The following DHRSX variants were observed in gnomAD, a reference collection of about 807,000 sequenced individuals.
DHRSX encodes the protein dehydrogenase/reductase X-linked, also known as polyprenol dehydrogenase.
Under a neutral mutation model 34.0 loss-of-function variants are expected in DHRSX, and 31 were observed. The ratio of observed to expected loss-of-function variants is 0.91; its 90% CI spans 0.69 to 1.23. DHRSX has a LOEUF of 1.23. Among genes scored for constraint, DHRSX ranks in the 50% most tolerant of loss-of-function variants. The probability of loss-of-function intolerance (pLI) is 0.00; values close to 1 mark genes in which losing one functional copy is unlikely to be tolerated. For missense variants in DHRSX, 414 were observed against 428.1 expected (o/e 0.97, Z 0.29); for synonymous variants, 201 against 183.8 (o/e 1.09, Z -0.76).
rs762587578 is a variant in DHRSX at position 2,221,137 on chromosome X, C to G, written c.897G>C (p.Glu299Asp). The G allele has an allele frequency of 1.8e-5, 29 of 1,613,752 alleles. No individual in the cohort carries two copies. The highest frequency in any genetic ancestry group is 2.7e-5 in the African/African-American group (2 of 74,898). The change falls in exon 7 of 7, where the codon GAG (glutamate) becomes GAC (aspartate). Residue 299 changes from glutamate (E) to aspartate (D), a missense_variant. Physicochemically the swap from Glu to Asp is conservative, Grantham distance 45. Coordinates refer to ENST00000334651, the MANE Select transcript of DHRSX (RefSeq NM_145177.3). Reference protein sequence around the residue: ...VGGHYLYNEKETKSLHVTYNQ... With the variant: ...VGGHYLYNEKDTKSLHVTYNQ... ...TGTAGGTGACGTGGAGGGACTTGGT[C>G]TCTTTCTCGTTGTATAGGTAATGGC...
chrX:2,367,083 T>C lies in DHRSX; in HGVS notation c.286+41662A>G, dbSNP rs190188729. Among the ~76,000 whole-genome samples, 842 of 152,126 alleles carry C rather than the reference T, an allele frequency of 5.5e-3. 8 individuals carry two copies. The highest frequency in any genetic ancestry group is 0.019 in the African/African-American group (804 of 41,536). On this transcript the variant is annotated intron_variant, in intron 3 of 6. Coordinates refer to ENST00000334651, the MANE Select transcript of DHRSX (RefSeq NM_145177.3). ...CCCATCAGGAAGATATAGGGCCCCCTTTCAAGAGGAACCACAATGGCTAAA... is the reference window on the plus strand; with the variant it reads ...CCCATCAGGAAGATATAGGGCCCCCCTTCAAGAGGAACCACAATGGCTAAA...
chrX:2,489,287 C>T, intron 1 of DHRSX: 2 of 1,613,894 alleles, frequency 1.2e-6, no homozygotes, highest in Non-Finnish European at 8.5e-7. Flanking sequence ...CCTCTTGTAG[C>T]GGGGGTCCAG....
At chrX:2,296,369 G>A (rs989435221) in intron 3 of DHRSX, among the ~76,000 whole-genome samples, 1 of 152,162 alleles carries the variant, frequency 6.6e-6, no homozygotes, top group African/African-American at 2.4e-5. Flanking sequence ...GGGAAAAAGA[G>A]AAAAGAAGAA....
intron 1 of DHRSX, among the ~76,000 whole-genome samples, chrX:2,452,262 T>C (rs2015742415): frequency 1.3e-5 from 2 of 151,344 alleles, no homozygotes; most frequent in Admixed American, 6.6e-5. Context: ...AGACGTTCCC[T>C]AAGCAGGTGG....
chrX:2,407,336 A>G (rs2043569094), intron 3 of DHRSX, among the ~76,000 whole-genome samples: 1 of 152,226 alleles, frequency 6.6e-6, no homozygotes, highest in Non-Finnish European at 1.5e-5. Context: ...TTAAAGAGTC[A>G]GCAGCCACGG....
At position 2,491,549 on chromosome X, in the gene DHRSX, C is replaced by T. The variant is rs772501676; in HGVS notation, c.109+9268G>A. On this transcript the variant is annotated intron_variant, in intron 1 of 6. Transcript: ENST00000334651. ...TCACAGCAGGACTCTCTGAATGCCA[C>T]CTGAGCTTCATTCACTGCATTAAAG... is the stretch of plus-strand genomic sequence containing the variant. Among the ~76,000 whole-genome samples the T allele has an allele frequency of 1.5e-4, 23 of 152,332 alleles. No individual in the cohort carries two copies. The South Asian group carries it at 3.5e-3, about 23-fold the overall frequency.
intron 3 of DHRSX, among the ~76,000 whole-genome samples, chrX:2,384,682 G>A (rs1055621608): frequency 1.3e-5 from 2 of 149,252 alleles, no homozygotes; most frequent in African/African-American, 2.5e-5. Flanking sequence ...CAAGAAGCAA[G>A]CTTATTTGGT....
intron 5 of DHRSX, among the ~76,000 whole-genome samples, chrX:2,253,252 A>G (rs1219293627): frequency 3.3e-5 from 5 of 151,770 alleles, no homozygotes; most frequent in Non-Finnish European, 7.4e-5. Flanking sequence ...ACGGCACTCC[A>G]GCCTAGGAGG....
intron 1 of DHRSX, among the ~76,000 whole-genome samples, chrX:2,461,930 C>T (rs953066715): frequency 3.3e-5 from 5 of 152,138 alleles, no homozygotes; most frequent in African/African-American, 1.2e-4. Context: ...TCAAGCGATC[C>T]ACCGGCCTCG....
At chrX:2,346,841 T>G (rs935802432) in intron 3 of DHRSX, among the ~76,000 whole-genome samples, 1 of 151,764 alleles carries the variant, frequency 6.6e-6, no homozygotes, top group African/African-American at 2.4e-5. Flanking sequence ...GATGTTCCCC[T>G]CCCTGTGTCC....
intron 3 of DHRSX, among the ~76,000 whole-genome samples, chrX:2,331,509 G>A (rs1216329463): frequency 3.7e-5 from 5 of 134,380 alleles, no homozygotes; most frequent in South Asian, 2.5e-4. Flanking sequence ...GTGCCATAGC[G>A]CGATCTTGGC....
chrX:2,482,726 T>C (rs1475315514), intron 1 of DHRSX, among the ~76,000 whole-genome samples: 4 of 152,256 alleles, frequency 2.6e-5, no homozygotes, highest in African/African-American at 9.6e-5. Flanking sequence ...AATCCTGCAG[T>C]AACTGCCTAT....
rs189536218 is a variant in DHRSX at position 2,315,114 on chromosome X, C to T, written c.287-23511G>A. Among the ~76,000 whole-genome samples the T allele has an allele frequency of 1.6e-3, 246 of 151,506 alleles. 1 individual carries two copies. The highest frequency in any genetic ancestry group is 5.7e-3 in the African/African-American group (234 of 41,254). ...TGGAGGTTGCGGTGAGCTGAGATCA[C>T]GCCATAGCACTCCAGCCTGGGCAGC... On this transcript the variant is annotated intron_variant, in intron 3 of 6. Transcript: ENST00000334651.
At chrX:2,419,452 G>C (rs779351958) in intron 2 of DHRSX, among the ~76,000 whole-genome samples, 1 of 152,198 alleles carries the variant, frequency 6.6e-6, no homozygotes, top group South Asian at 2.1e-4. Context: ...ATTTGACCCA[G>C]CCATCCCATT....
At chrX:2,244,302 C>CCTCTCT (rs780533250) in intron 5 of DHRSX, among the ~76,000 whole-genome samples, 27,952 of 150,094 alleles carry the variant, frequency 0.19, 2,823 homozygotes, top group Admixed American at 0.22. Context: ...GAGTAACGTG[C>CCTCTCT]CTCTCTCTCT....
intron 3 of DHRSX, among the ~76,000 whole-genome samples, chrX:2,345,592 AGCCAAGATCGC>A (rs1326932428): frequency 4.6e-5 from 7 of 150,868 alleles, no homozygotes; most frequent in Non-Finnish European, 7.4e-5. Flanking sequence ...AGTTGCATTG[AGCCAAGATCGC>A]ACCGAGATCG....
intron 3 of DHRSX, among the ~76,000 whole-genome samples, chrX:2,295,129 G>A (rs1428667194): frequency 2.6e-5 from 4 of 152,198 alleles, no homozygotes; most frequent in Middle Eastern, 3.4e-3. Context: ...GCACACATAC[G>A]TTTATTGCGG....
In DHRSX at chrX:2,485,492, G is replaced by C. The variant is rs991447376; in HGVS notation, c.109+15325C>G. 5.4e-5 allele frequency among the ~76,000 whole-genome samples: 8 copies of C among 147,770 alleles called. No individual in the cohort carries two copies. The Admixed American group carries it at 5.5e-4, about 10-fold the overall frequency. ...CAGGAGGGAGGAAAAGAGGGAGGGA[G>C]GAAGGAAAAAGGGATGGAAGGAAAA... On this transcript the variant is annotated intron_variant, in intron 1 of 6. Transcript: ENST00000334651.
chrX:2,298,320 T>TTG (rs955955394), intron 3 of DHRSX, among the ~76,000 whole-genome samples: 2 of 150,544 alleles, frequency 1.3e-5, no homozygotes, highest in African/African-American at 4.9e-5. Context: ...TTTTGGTGTT[T>TTG]TTTTTTTTTT....
Sources: gnomAD v4.1 joint callset for allele counts (sites outside exome capture counted in the v4.1 genomes callset) on GRCh38, gnomAD v4.1.1 for gene constraint, MANE v1.5 for transcripts, NCBI Gene and HGNC (gene_info 2026-07-23, HGNC 2026-07-21) for gene names.